The following NRG3 variants were observed in gnomAD, a reference collection of about 807,000 sequenced individuals.
NRG3 encodes neuregulin 3, also known as pro-neuregulin-3, membrane-bound isoform.
A neutral mutation model predicts 66.9 loss-of-function variants in NRG3; 31 were observed. That is an observed-to-expected ratio of 0.46 (90% CI 0.35 to 0.63). The LOEUF (loss-of-function observed/expected upper bound fraction) is 0.63, where lower values mean the gene tolerates loss of function less well. Among genes scored for constraint, NRG3 ranks in the 20% least tolerant of loss-of-function variants. The pLI is 0.00. For missense variants in NRG3, 910 were observed against 878.9 expected (o/e 1.04, Z -0.45); for synonymous variants, 393 against 359.4 (o/e 1.09, Z -1.06).
chr10:81,949,930 T>C (rs1849183997), intron 1 of NRG3, among the ~76,000 whole-genome samples: 1 of 152,180 alleles, frequency 6.6e-6, no homozygotes, highest in Non-Finnish European at 1.5e-5. Flanking sequence ...TTTTGCTGAT[T>C]TAAATCAGAT....
chr10:82,723,544 G>T (rs761505955), intron 2 of NRG3, among the ~76,000 whole-genome samples: 11 of 151,822 alleles, frequency 7.2e-5, no homozygotes, highest in South Asian at 4.1e-4. Flanking sequence ...AATTCATGTT[G>T]AAATGATAAA....
At chr10:82,106,591 C>T (rs1350801173) in intron 1 of NRG3, among the ~76,000 whole-genome samples, 7 of 151,690 alleles carry the variant, frequency 4.6e-5, no homozygotes, top group African/African-American at 9.7e-5. Flanking sequence ...CTGCAACCTC[C>T]GCCTCCTGGG....
chr10:82,205,817 C>T (rs984023898), intron 1 of NRG3, among the ~76,000 whole-genome samples: 1 of 152,176 alleles, frequency 6.6e-6, no homozygotes, highest in Non-Finnish European at 1.5e-5. Context: ...CTTTCTTAAT[C>T]TTCTTCACAT....
intron 2 of NRG3, among the ~76,000 whole-genome samples, chr10:82,695,852 T>C (rs1198788605): frequency 2.0e-5 from 3 of 152,182 alleles, no homozygotes; most frequent in Non-Finnish European, 4.4e-5. Flanking sequence ...TTTGAAGTAC[T>C]GCATTATATG....
At chr10:82,463,195 G>A (rs962351858) in intron 2 of NRG3, among the ~76,000 whole-genome samples, 7 of 152,140 alleles carry the variant, frequency 4.6e-5, no homozygotes, top group East Asian at 1.9e-4. Context: ...GATGGCAGGC[G>A]GTTATTTCCT....
At chr10:82,051,760 A>G (rs1332224960) in intron 1 of NRG3, among the ~76,000 whole-genome samples, 1 of 152,176 alleles carries the variant, frequency 6.6e-6, no homozygotes, top group Admixed American at 6.6e-5. Flanking sequence ...ATGAGAGGAC[A>G]TCATTATTAA....
At chr10:82,951,806 T>C (rs1849538923) in intron 5 of NRG3, among the ~76,000 whole-genome samples, 1 of 152,186 alleles carries the variant, frequency 6.6e-6, no homozygotes, top group African/African-American at 2.4e-5. Flanking sequence ...ACGATGCACA[T>C]AATGATCATT....
chr10:82,512,368 C>G (rs1004056997), intron 2 of NRG3, among the ~76,000 whole-genome samples: 47 of 151,898 alleles, frequency 3.1e-4, no homozygotes, highest in African/African-American at 1.1e-3. Flanking sequence ...TCATTGCAAC[C>G]TCTGCCTCCT....
intron 1 of NRG3, among the ~76,000 whole-genome samples, chr10:82,065,945 T>G (rs2064431998): frequency 6.6e-6 from 1 of 152,186 alleles, no homozygotes; most frequent in African/African-American, 2.4e-5. Context: ...ACATTTCAAT[T>G]TAGAAATTTT....
At chr10:81,986,022 T>G (rs2060504719) in intron 1 of NRG3, among the ~76,000 whole-genome samples, 1 of 152,228 alleles carries the variant, frequency 6.6e-6, no homozygotes, top group South Asian at 2.1e-4. Flanking sequence ...TGGCTTGTTT[T>G]GTCTTTTTAA....
intron 1 of NRG3, among the ~76,000 whole-genome samples, chr10:81,897,530 C>T (rs757081753): frequency 1.3e-5 from 2 of 151,806 alleles, no homozygotes; most frequent in South Asian, 2.1e-4. Flanking sequence ...CTCCTAGGTT[C>T]CCGTCCTCAA....
intron 4 of NRG3, among the ~76,000 whole-genome samples, chr10:82,939,378 ATAAAC>A (rs1489608874): frequency 6.6e-6 from 1 of 152,202 alleles, no homozygotes; most frequent in Non-Finnish European, 1.5e-5. Flanking sequence ...TAGAAATAAG[ATAAAC>A]TATAGAGTAT....
At chr10:81,907,697 A>G (rs1389079504) in intron 1 of NRG3, among the ~76,000 whole-genome samples, 1 of 152,150 alleles carries the variant, frequency 6.6e-6, no homozygotes, top group East Asian at 1.9e-4. Context: ...CCTTTTGACT[A>G]TAAATTTGGA....
intron 1 of NRG3, among the ~76,000 whole-genome samples, chr10:82,051,608 A>G (rs909748384): frequency 2.6e-5 from 4 of 152,190 alleles, no homozygotes; most frequent in Non-Finnish European, 5.9e-5. Context: ...TATTTACTTG[A>G]AAAGAATTAT....
intron 1 of NRG3, among the ~76,000 whole-genome samples, chr10:82,012,080 G>A (rs956270904): frequency 2.0e-5 from 3 of 152,152 alleles, no homozygotes; most frequent in African/African-American, 4.8e-5. Context: ...TGAGGGCCTC[G>A]CCCCTGCAGC....
chr10:82,569,105 T>C (rs1441067387), intron 2 of NRG3, among the ~76,000 whole-genome samples: 1 of 151,792 alleles, frequency 6.6e-6, no homozygotes, highest in Non-Finnish European at 1.5e-5. Flanking sequence ...GTCATTTTTA[T>C]ATATGATGAT....
intron 2 of NRG3, among the ~76,000 whole-genome samples, chr10:82,494,650 A>G (rs1258319712): frequency 6.6e-6 from 1 of 152,148 alleles, no homozygotes; most frequent in African/African-American, 2.4e-5. Flanking sequence ...CACTAAATCC[A>G]TCACCCCCAG....
At chr10:82,021,095 G>A (rs966730343) in intron 1 of NRG3, among the ~76,000 whole-genome samples, 1 of 152,088 alleles carries the variant, frequency 6.6e-6, no homozygotes, top group South Asian at 2.1e-4. Context: ...CTTTGAAATG[G>A]CCTTCTTGGC....
chr10:82,044,720 TCCCTGCTCTCCCCA>T (rs1158308057), intron 1 of NRG3, among the ~76,000 whole-genome samples: 1 of 151,954 alleles, frequency 6.6e-6, no homozygotes, highest in Non-Finnish European at 1.5e-5. Context: ...ATGCTATCCC[TCCCTGCTCTCCCCA>T]CCCCACAGAG....
Sources: allele counts gnomAD v4.1 joint callset (sites outside exome capture counted in the v4.1 genomes callset), GRCh38; gene constraint gnomAD v4.1.1; transcripts MANE v1.5; gene names NCBI Gene and HGNC (gene_info 2026-07-23, HGNC 2026-07-21).